LRRIQ3: variants seen among roughly 807,000 people sequenced by gnomAD.
LRRIQ3 encodes leucine-rich repeat and IQ domain-containing protein 3.
A neutral mutation model predicts 59.3 loss-of-function variants in LRRIQ3; 75 were observed. The observed-to-expected ratio is 1.26, with a 90% confidence interval of 1.05 to 1.53. The LOEUF (loss-of-function observed/expected upper bound fraction) is 1.53. LRRIQ3 is among the 40% of genes most tolerant of loss of function. The probability of loss-of-function intolerance (pLI) is 0.00; values close to 1 mark genes in which losing one functional copy is unlikely to be tolerated. For missense variants in LRRIQ3, 831 were observed against 710.0 expected, an observed-to-expected ratio of 1.17 and a Z score of -1.94; for synonymous variants, 250 against 231.3, an observed-to-expected ratio of 1.08 and a Z score of -0.73.
intron 5 of LRRIQ3, among the ~76,000 whole-genome samples, chr1:74,101,920 G>C (rs981729740): frequency 6.6e-6 from 1 of 152,040 alleles, no homozygotes; most frequent in African/African-American, 2.4e-5. Context: ...ATGGTGGGGG[G>C]AGCGGGGAGG....
At chr1:74,170,023 T>C (rs1467476841) in intron 3 of LRRIQ3, among the ~76,000 whole-genome samples, 1 of 152,158 alleles carries the variant, frequency 6.6e-6, no homozygotes, top group Non-Finnish European at 1.5e-5. Context: ...TTATTTTTTG[T>C]TTGTTTGTCT....
chr1:74,090,168 A>G lies in LRRIQ3; in HGVS notation c.868-15378T>C, dbSNP rs1201692059. ...ATATTTATCATTAATTACTAGCTAT[A>G]ACACTTCCAGAACTTTCATTTAAAC... On this transcript the variant is annotated intron_variant, in intron 5 of 7. Coordinates refer to ENST00000354431, the MANE Select transcript of LRRIQ3 (RefSeq NM_001105659.2). Among the ~76,000 whole-genome samples, 6 of 152,032 alleles carry G rather than the reference A, an allele frequency of 3.9e-5. No homozygotes were observed. In the South Asian group the frequency reaches 1.2e-3, roughly 32 times the overall value.
At chr1:74,171,963 T>C (rs1416695948) in intron 3 of LRRIQ3, among the ~76,000 whole-genome samples, 1 of 152,164 alleles carries the variant, frequency 6.6e-6, no homozygotes, top group Non-Finnish European at 1.5e-5. Context: ...TGGCATTAAT[T>C]GTAATGTCTC....
rs1329854467 is a variant in LRRIQ3, at chr1:74,139,288, G to A, written c.707+16445C>T. On this transcript the variant is annotated intron_variant, in intron 4 of 7. Transcript: ENST00000354431. ...AGAAGGAAGGGAGAAAGGAAGGAAG[G>A]AAGGAAGGAGGGAGGGAGGGAGGGA... 2.8e-5 allele frequency among the ~76,000 whole-genome samples: 4 copies of A among 143,804 alleles called. No homozygotes were observed. In the East Asian group the frequency reaches 9.5e-4, roughly 34 times the overall value. 94.3% of individuals were successfully genotyped at this position (143,804 alleles called of 152,430 possible). A position where few individuals can be genotyped will look rare whatever the true frequency, so the allele number is the denominator to read the frequency against.
In LRRIQ3 at chr1:74,041,522, T is replaced by C. The variant is rs760480375; in HGVS notation, c.1409A>G (p.Lys470Arg). 1.6e-5 allele frequency: 26 copies of C among 1,611,644 alleles called. No individual in the cohort carries two copies. Among genetic ancestry groups the C allele is most frequent in the Non-Finnish European group, 1.9e-5 (22 of 1,179,432 alleles). ...TGTCTCTTTATTTTCTTCAATTAGT[T>C]TTTGTGTAGCATATTTTTTCTGATT... is the stretch of plus-strand genomic sequence containing the variant. ...HLNQKKYATQKLIEENKETIQ... is the reference protein window; with the variant it reads ...HLNQKKYATQRLIEENKETIQ... The change falls in exon 7 of 8, where the codon AAA (lysine) becomes AGA (arginine). Residue 470 changes from lysine (K) to arginine (R), a missense_variant. Physicochemically the swap from Lys to Arg is conservative, Grantham distance 26. Transcript: ENST00000354431.
chr1:74,054,949 A>G (rs1273794631), intron 6 of LRRIQ3, among the ~76,000 whole-genome samples: 1 of 147,398 alleles, frequency 6.8e-6, no homozygotes, highest in Non-Finnish European at 1.5e-5. Context: ...ATTATGAATT[A>G]TATAATTATA....
At chr1:74,197,178 G>T (rs1483109123) in intron 1 of LRRIQ3, among the ~76,000 whole-genome samples, 1 of 152,148 alleles carries the variant, frequency 6.6e-6, no homozygotes, top group Non-Finnish European at 1.5e-5. Context: ...GAACACGATT[G>T]TATAACAAGT....
chr1:74,192,664 T>C (rs1419457444), intron 1 of LRRIQ3, among the ~76,000 whole-genome samples: 7 of 152,118 alleles, frequency 4.6e-5, no homozygotes, highest in African/African-American at 9.7e-5. Context: ...TTTGCCAGTA[T>C]ATAAACAACC....
intron 7 of LRRIQ3, among the ~76,000 whole-genome samples, chr1:74,031,860 A>T (rs913669715): frequency 9.2e-5 from 14 of 152,138 alleles, no homozygotes; most frequent in African/African-American, 3.4e-4. Flanking sequence ...TTGGAAAATA[A>T]AATCAAGTGA....
intron 7 of LRRIQ3, among the ~76,000 whole-genome samples, chr1:74,031,292 G>T (rs147185571): frequency 0.094 from 14,269 of 152,100 alleles, 689 homozygotes; most frequent in Middle Eastern, 0.13. Flanking sequence ...AAATCATGCT[G>T]CTATAAAGAC....
intron 4 of LRRIQ3, among the ~76,000 whole-genome samples, chr1:74,110,301 C>A (rs913707456): frequency 4.6e-5 from 7 of 151,804 alleles, no homozygotes; most frequent in African/African-American, 1.7e-4. Flanking sequence ...AACCATAGAC[C>A]AATCTCACCT....
chr1:74,039,983 C>A (rs1296820081), intron 7 of LRRIQ3, among the ~76,000 whole-genome samples: 1 of 152,122 alleles, frequency 6.6e-6, no homozygotes, highest in East Asian at 1.9e-4. Context: ...TTAAAAGACA[C>A]AGACTGGCAA....
chr1:74,031,002 C>T (rs1653691999), intron 7 of LRRIQ3, among the ~76,000 whole-genome samples: 1 of 152,166 alleles, frequency 6.6e-6, no homozygotes. Context: ...CCAACAGACA[C>T]ATGAAATAAT....
At chr1:74,064,500 G>A (rs1412431085) in intron 6 of LRRIQ3, among the ~76,000 whole-genome samples, 1 of 151,922 alleles carries the variant, frequency 6.6e-6, no homozygotes, top group Admixed American at 6.6e-5. Flanking sequence ...ACCTTTATTA[G>A]CACTCTGTTT....
Position 74,041,727 on chromosome 1 carries a change from G to T in LRRIQ3, c.1204C>A (p.Arg402=). 1.2e-6 allele frequency: 2 copies of T among 1,613,418 alleles called. No individual in the cohort carries two copies. Among genetic ancestry groups the T allele is most frequent in the South Asian group, 2.2e-5 (2 of 91,036 alleles). ...PIIKKDIRLE[R]SMKEFFAPQR... is the part of the protein sequence containing the mutation. ...GGTGCAAAAAACTCTTTCATACTCC[G>T]CTCCAATCGTATGTCTTTTTTAATG... The change falls in exon 7 of 8, where the codon CGG becomes AGG. Residue 402 remains arginine (R), a synonymous_variant. Coordinates refer to ENST00000354431, the MANE Select transcript of LRRIQ3 (RefSeq NM_001105659.2).
intron 7 of LRRIQ3, among the ~76,000 whole-genome samples, chr1:74,038,642 C>G (rs1204122878): frequency 6.6e-6 from 1 of 152,170 alleles, no homozygotes; most frequent in Non-Finnish European, 1.5e-5. Flanking sequence ...CCAACCTCCT[C>G]AAGTGACATC....
chr1:74,186,600 G>A (rs1226048545), intron 1 of LRRIQ3, among the ~76,000 whole-genome samples: 1 of 152,020 alleles, frequency 6.6e-6, no homozygotes, highest in Non-Finnish European at 1.5e-5. Context: ...ATATAATAAG[G>A]GAATTGGTAT....
At chr1:74,168,426 T>C (rs552517227) in intron 3 of LRRIQ3, among the ~76,000 whole-genome samples, 2 of 152,204 alleles carry the variant, frequency 1.3e-5, no homozygotes, top group East Asian at 3.9e-4. Flanking sequence ...CTAATTTTTG[T>C]ATGATACATA....
intron 1 of LRRIQ3, 92 bp from the exon 2 acceptor site, chr1:74,183,776 T>C: frequency 1.9e-6 from 2 of 1,065,842 alleles, no homozygotes; most frequent in East Asian, 2.7e-5. Flanking sequence ...ATAGCGCAAG[T>C]AAAAAGTGTT....
Sources: gnomAD v4.1 joint callset for allele counts (sites outside exome capture counted in the v4.1 genomes callset) on GRCh38, gnomAD v4.1.1 for gene constraint, MANE v1.5 for transcripts, NCBI Gene and HGNC (gene_info 2026-07-23, HGNC 2026-07-21) for gene names.